Variants in IZUMO2 observed in about 807,000 individuals in gnomAD.
IZUMO2 encodes the protein izumo sperm-egg fusion protein 2.
In IZUMO2, 24 loss-of-function variants were observed where a neutral mutation model predicts 31.2. The observed-to-expected ratio is 0.77, with a 90% CI of 0.56 to 1.08. IZUMO2 has a LOEUF of 1.08. IZUMO2 is among the 50% of genes least tolerant of loss of function. The pLI, the probability that IZUMO2 is intolerant of heterozygous loss-of-function variation, is 0.00. For missense variants in IZUMO2, 278 were observed against 274.0 expected, an observed-to-expected ratio of 1.01 and a Z score of -0.10; for synonymous variants, 144 against 117.3, an observed-to-expected ratio of 1.23 and a Z score of -1.47.
intron 4 of IZUMO2, among the ~76,000 whole-genome samples, chr19:50,158,994 A>AC (rs1419507215): frequency 2.6e-5 from 4 of 152,200 alleles, no homozygotes; most frequent in African/African-American, 9.6e-5. Flanking sequence ...GTGAGGGTTT[A>AC]TTTGTTAATA....
chr19:50,153,416 G>A (rs1318609709), intron 6 of IZUMO2, among the ~76,000 whole-genome samples: 2 of 152,214 alleles, frequency 1.3e-5, no homozygotes, highest in Non-Finnish European at 2.9e-5. Context: ...GGGAGACAGA[G>A]AAATGAGGAG....
chr19:50,162,778 T>C lies in IZUMO2; in HGVS notation c.268A>G (p.Lys90Glu), dbSNP rs771786774. The C allele has an allele frequency of 3.2e-5, 52 of 1,613,832 alleles. No individual in the cohort carries two copies. Among genetic ancestry groups the C allele is most frequent in the Non-Finnish European group, 4.2e-5 (50 of 1,180,008 alleles). Reference sequence around the variant, plus strand: ...CCCATTAAGTGCTGCGTTTGGTTCTTGACAAAGGACGCCACAAGGTCCAGT... The same window carrying C: ...CCCATTAAGTGCTGCGTTTGGTTCTCGACAAAGGACGCCACAAGGTCCAGT... ...NQLDLVASFV[K>E]NQTQHLMGNS... is the part of the protein sequence containing the mutation. The change falls in exon 2 of 7, where the codon AAG (lysine) becomes GAG (glutamate). Residue 90 changes from lysine (K) to glutamate (E), a missense_variant. By Grantham distance (56) the Lys-to-Glu change is moderately conservative. Coordinates refer to ENST00000293405, the MANE Select transcript of IZUMO2 (RefSeq NM_152358.3).
At chr19:50,159,713 G>A in intron 2 of IZUMO2, 133 bp from the exon 3 acceptor site, 1 of 624,896 alleles carries the variant, frequency 1.6e-6, no homozygotes, top group Non-Finnish European at 2.9e-6. Flanking sequence ...GGATTACTAA[G>A]GGTCCCCCAG....
chr19:50,162,880 A>G (rs2030449072), intron 1 of IZUMO2, 67 bp from the exon 2 acceptor site: 1 of 1,602,564 alleles, frequency 6.2e-7, no homozygotes, highest in African/African-American at 1.3e-5. Context: ...CACCCCCTCC[A>G]GGCCTGGCCC....
Position 50,162,734 on chromosome 19 carries a change from C to T in IZUMO2, c.307+5G>A. On this transcript the variant is annotated splice_donor_5th_base_variant and intron_variant, in intron 2 of 6. Transcript: ENST00000293405. ...CTGGAGAAGGCGTTCCCTCGTCTCT[C>T]CTACCTTTCAGAGAGTTACCCATTA... is the stretch of plus-strand genomic sequence containing the variant. The T allele has an allele frequency of 1.9e-6, 3 of 1,612,828 alleles. No individual in the cohort carries two copies. Among genetic ancestry groups the T allele is most frequent in the South Asian group, 1.1e-5 (1 of 91,040 alleles).
intron 2 of IZUMO2, among the ~76,000 whole-genome samples, chr19:50,162,273 A>G (rs2030425036): frequency 6.6e-6 from 1 of 151,884 alleles, no homozygotes; most frequent in Non-Finnish European, 1.5e-5. Context: ...ACAGGGCGAG[A>G]CCGTCTCAAA....
intron 2 of IZUMO2, among the ~76,000 whole-genome samples, chr19:50,161,556 C>T (rs1408585896): frequency 1.3e-5 from 2 of 152,266 alleles, no homozygotes; most frequent in East Asian, 1.9e-4. Context: ...ACAATGTCGC[C>T]GTCTCACTCC....
chr19:50,153,797 G>A (rs1198368052), intron 6 of IZUMO2: 4 of 148,802 alleles, frequency 2.7e-5, no homozygotes, highest in African/African-American at 1.0e-4. Context: ...GCCACAGAGC[G>A]AGACTCCATC....
At chr19:50,154,204 A>C (rs1410238673) in intron 6 of IZUMO2, among the ~76,000 whole-genome samples, 1 of 150,884 alleles carries the variant, frequency 6.6e-6, no homozygotes, top group Non-Finnish European at 1.5e-5. Context: ...GAACATAATG[A>C]AGCCAACTTG....
chr19:50,155,565 A>G (rs1449443004), intron 5 of IZUMO2, among the ~76,000 whole-genome samples: 1 of 151,878 alleles, frequency 6.6e-6, no homozygotes, highest in African/African-American at 2.4e-5. Context: ...CCCACCACCA[A>G]CTCTTTCCTT....
In IZUMO2 at chr19:50,159,216, G is replaced by T; in HGVS notation, c.415+14C>A. The T allele has an allele frequency of 6.2e-7, 1 of 1,609,772 alleles. No homozygotes were observed. The highest frequency in any genetic ancestry group is 8.5e-7 in the Non-Finnish European group (1 of 1,178,682). The stretch of plus-strand genomic sequence containing the variant: ...GAGGGTAGAGAAGGGAGAGATAGAC[G>T]ATCCAGAACTCACGGCAAAGTTTGG... On this transcript the variant is annotated intron_variant, in intron 4 of 6. Coordinates refer to ENST00000293405, the MANE Select transcript of IZUMO2 (RefSeq NM_152358.3).
chr19:50,157,960 A>G (rs140261469), intron 5 of IZUMO2, among the ~76,000 whole-genome samples: 2 of 151,860 alleles, frequency 1.3e-5, no homozygotes, highest in African/African-American at 4.9e-5. Context: ...GAATGAATGA[A>G]TGAGTGAATT....
intron 2 of IZUMO2, 22 bp from the exon 3 acceptor site, chr19:50,159,602 T>G: frequency 3.0e-5 from 46 of 1,545,446 alleles, no homozygotes; most frequent in Non-Finnish European, 3.8e-5. Context: ...AAGAGATCTC[T>G]GTGGGGTGGG....
rs548194681 is a variant in IZUMO2, at chr19:50,152,777, C to T, written c.624-126G>A. 5.4e-4 allele frequency: 435 copies of T among 803,394 alleles called. 2 individuals are homozygous for T. The highest frequency in any genetic ancestry group is 2.6e-3 in the Middle Eastern group (11 of 4,222). 49.8% of individuals were successfully genotyped at this position (803,394 alleles called of 1,614,324 possible). A position where few individuals can be genotyped will look rare whatever the true frequency, so the allele number is the denominator to read the frequency against. The stretch of plus-strand genomic sequence containing the variant: ...TGGCCTGATTTGGCTCATCCAGTGA[C>T]GTCATGGGCATCTGGGCAGATTTTC... On this transcript the variant is annotated intron_variant, in intron 6 of 6. Transcript: ENST00000293405.
chr19:50,158,382 G>A (rs1466287821), intron 4 of IZUMO2, 34 bp from the exon 5 acceptor site: 8 of 1,418,556 alleles, frequency 5.6e-6, no homozygotes, highest in Non-Finnish European at 7.9e-6. Flanking sequence ...TAAGACAAGG[G>A]CAGATATCAG....
At chr19:50,158,984 G>A (rs773246015) in intron 4 of IZUMO2, among the ~76,000 whole-genome samples, 3 of 152,192 alleles carry the variant, frequency 2.0e-5, no homozygotes, top group Non-Finnish European at 2.9e-5. Flanking sequence ...CCACCAAGAT[G>A]TGAGGGTTTA....
At chr19:50,153,493 C>T (rs1018306844) in intron 6 of IZUMO2, among the ~76,000 whole-genome samples, 2 of 152,148 alleles carry the variant, frequency 1.3e-5, no homozygotes, top group East Asian at 1.9e-4. Context: ...ACTCCCCATG[C>T]GCTAAGTGTT....
At chr19:50,162,554 G>A (rs2030434220) in intron 2 of IZUMO2, among the ~76,000 whole-genome samples, 185 bp downstream of exon 2, 2 of 152,116 alleles carry the variant, frequency 1.3e-5, no homozygotes, top group South Asian at 2.1e-4. Context: ...GGTCGAGGCT[G>A]CAGTGAGCTG....
intron 5 of IZUMO2, among the ~76,000 whole-genome samples, chr19:50,155,689 T>G (rs1001434997): frequency 1.3e-5 from 2 of 152,148 alleles, no homozygotes; most frequent in African/African-American, 4.8e-5. Context: ...GAGGCTCCCT[T>G]GACCCCTCCT....
Sources: allele counts gnomAD v4.1 joint callset (sites outside exome capture counted in the v4.1 genomes callset), GRCh38; gene constraint gnomAD v4.1.1; transcripts MANE v1.5; gene names NCBI Gene and HGNC (gene_info 2026-07-23, HGNC 2026-07-21).